The following CHD1 variants were observed in gnomAD, a reference collection of about 807,000 sequenced individuals.
The protein encoded by CHD1 is ATP-dependent chromatin remodeler CHD1.
A neutral mutation model predicts 224.2 loss-of-function variants in CHD1; 36 were observed. The ratio of observed to expected loss-of-function variants is 0.16; its 90% CI spans 0.12 to 0.21. CHD1 has a LOEUF of 0.21. Ranked by LOEUF, CHD1 falls within the 10% of genes least tolerant of loss-of-function variation. The pLI, the probability that CHD1 is intolerant of heterozygous loss-of-function variation, is 1.00. For missense variants in CHD1, 1,378 were observed against 1,994.8 expected, an observed-to-expected ratio of 0.69 and a Z score of 5.89; for synonymous variants, 668 against 658.3, an observed-to-expected ratio of 1.01 and a Z score of -0.23.
intron 2 of CHD1, among the ~76,000 whole-genome samples, chr5:98,912,402 G>C (rs773699297): frequency 6.6e-6 from 1 of 152,128 alleles, no homozygotes; most frequent in Non-Finnish European, 1.5e-5. Flanking sequence ...GGGCACGGTG[G>C]CTCACACCTA....
At chr5:98,878,251 G>C (rs1749908940) in intron 23 of CHD1, among the ~76,000 whole-genome samples, 1 of 152,250 alleles carries the variant, frequency 6.6e-6, no homozygotes, top group Non-Finnish European at 1.5e-5. Flanking sequence ...CTTGGAGAAA[G>C]TGAGCAGTCA....
chr5:98,860,216 T>C (rs1478207000), intron 32 of CHD1, 148 bp from the exon 33 acceptor site: 6 of 648,894 alleles, frequency 9.2e-6, no homozygotes, highest in South Asian at 3.0e-5. Flanking sequence ...AATTTTCCTA[T>C]GCATTTTTTC....
intron 8 of CHD1, 124 bp downstream of exon 8, chr5:98,899,356 C>T (rs1341348826): frequency 1.5e-6 from 1 of 651,090 alleles, no homozygotes; most frequent in African/African-American, 1.8e-5. Flanking sequence ...AGACAGCCAA[C>T]TGTATTATAA....
At chr5:98,884,067 CTT>C (rs983629067) in intron 18 of CHD1, among the ~76,000 whole-genome samples, 5 of 145,852 alleles carry the variant, frequency 3.4e-5, no homozygotes, top group Admixed American at 6.8e-5. Flanking sequence ...GTCTCTAACT[CTT>C]TGTTTTTTGT....
intron 18 of CHD1, among the ~76,000 whole-genome samples, chr5:98,884,742 A>G (rs913037766): frequency 1.3e-5 from 2 of 148,832 alleles, no homozygotes; most frequent in African/African-American, 4.9e-5. Context: ...TTTGAGACAG[A>G]GTCTCACTCT....
chr5:98,920,175 C>T lies in CHD1; in HGVS notation c.53+6159G>A, dbSNP rs74892290. The stretch of plus-strand genomic sequence containing the variant: ...CTCAAAGCACATACATAAATCCATA[C>T]ATATATAAACGATTTAGAAATTTCC... On this transcript the variant is annotated intron_variant, in intron 2 of 35. Transcript: ENST00000614616. Among the ~76,000 whole-genome samples, 89 of 152,150 alleles carry T rather than the reference C, an allele frequency of 5.8e-4. 2 individuals are homozygous for T. In the East Asian group the frequency reaches 0.016, roughly 28 times the overall value.
In CHD1 at chr5:98,881,121, T is replaced by C. The variant is rs775499938; in HGVS notation, c.3015A>G (p.Glu1005=). Residue 1005 remains glutamate (E), a synonymous_variant, in exon 22 of 36, where the codon GAA becomes GAG. Coordinates refer to ENST00000614616, the MANE Select transcript of CHD1 (RefSeq NM_001270.4). ...CATCTCCTACAGTTAAAGGACCTGG[T>C]TCATTTTCATGAGTTTCAGCTCTCT... is the stretch of plus-strand genomic sequence containing the variant. The part of the protein sequence containing the change: ...ILKRAETHEN[E]PGPLTVGDEL... The C allele has an allele frequency of 1.9e-6, 3 of 1,611,636 alleles. No homozygotes were observed. The highest frequency in any genetic ancestry group is 1.1e-5 in the South Asian group (1 of 90,578).
chr5:98,911,146 A>AAAATATATATATATATAT (rs1491111295), intron 2 of CHD1, among the ~76,000 whole-genome samples: 2 of 39,124 alleles, frequency 5.1e-5, no homozygotes, highest in African/African-American at 1.2e-4. Flanking sequence ...AAAAAAAAAA[A>AAAATATATATATATATAT]ATATATATAT....
At chr5:98,866,685 T>C (rs1229221766) in intron 31 of CHD1, among the ~76,000 whole-genome samples, 1 of 152,126 alleles carries the variant, frequency 6.6e-6, no homozygotes, top group East Asian at 1.9e-4. Context: ...AAAAAGGAAA[T>C]ATAGGAATAT....
At chr5:98,875,831 T>C (rs1749706553) in intron 24 of CHD1, among the ~76,000 whole-genome samples, 1 of 152,156 alleles carries the variant, frequency 6.6e-6, no homozygotes, top group Admixed American at 6.5e-5. Context: ...TCCAAAACTA[T>C]TACATAAACA....
intron 35 of CHD1, among the ~76,000 whole-genome samples, 156 bp downstream of exon 35, chr5:98,858,024 A>G (rs1006043777): frequency 5.3e-5 from 8 of 152,256 alleles, no homozygotes; most frequent in African/African-American, 1.9e-4. Context: ...TTCTTAAAAT[A>G]TATACATTTT....
chr5:98,887,638 A>T (rs1298604769), intron 17 of CHD1, among the ~76,000 whole-genome samples: 1 of 152,120 alleles, frequency 6.6e-6, no homozygotes, highest in African/African-American at 2.4e-5. Flanking sequence ...TTTCTTCTGT[A>T]AAGTTGTCTA....
At chr5:98,907,738 C>A (rs1431093083) in intron 2 of CHD1, among the ~76,000 whole-genome samples, 1 of 151,662 alleles carries the variant, frequency 6.6e-6, no homozygotes, top group Non-Finnish European at 1.5e-5. Context: ...TATATATTTG[C>A]TTGTATTTTT....
chr5:98,890,573 G>C (rs1750948050), intron 15 of CHD1, among the ~76,000 whole-genome samples: 1 of 152,106 alleles, frequency 6.6e-6, no homozygotes, highest in Admixed American at 6.5e-5. Flanking sequence ...CTAGCACTAA[G>C]AGAATTACAG....
intron 2 of CHD1, among the ~76,000 whole-genome samples, chr5:98,918,635 A>C (rs1320703299): frequency 6.6e-6 from 1 of 151,008 alleles, no homozygotes; most frequent in East Asian, 2.0e-4. Context: ...GGGCATGGTG[A>C]CGCGTGCCTG....
intron 2 of CHD1, among the ~76,000 whole-genome samples, chr5:98,920,778 C>A (rs952902997): frequency 7.0e-6 from 1 of 141,854 alleles, no homozygotes; most frequent in Admixed American, 7.5e-5. Flanking sequence ...GCCTGGGCAA[C>A]AGAGCAAGAC....
intron 35 of CHD1, among the ~76,000 whole-genome samples, chr5:98,857,119 A>T (rs1748092646): frequency 1.3e-5 from 2 of 152,150 alleles, no homozygotes; most frequent in Non-Finnish European, 1.5e-5. Context: ...AGCAGGAAAA[A>T]GTTTAAAAAT....
At chr5:98,890,251 G>C (rs775437624) in intron 15 of CHD1, among the ~76,000 whole-genome samples, 1 of 152,078 alleles carries the variant, frequency 6.6e-6, no homozygotes, top group Non-Finnish European at 1.5e-5. Context: ...TACAAGGTCA[G>C]TTTTTGAAGG....
chr5:98,925,258 T>C lies in CHD1; in HGVS notation c.53+1076A>G, dbSNP rs145082166. Among the ~76,000 whole-genome samples the C allele has an allele frequency of 9.8e-5, 15 of 152,324 alleles. No homozygotes were observed. In the East Asian group the frequency reaches 2.9e-3, roughly 29 times the overall value. On this transcript the variant is annotated intron_variant, in intron 2 of 35. Transcript: ENST00000614616. Reference sequence around the variant, plus strand: ...AGCATCTCAATCCTCAAATTTTTTTTAAATTTTATTTTTTATAAATTACAG... The same window carrying C: ...AGCATCTCAATCCTCAAATTTTTTTCAAATTTTATTTTTTATAAATTACAG...
Sources: allele counts gnomAD v4.1 joint callset (sites outside exome capture counted in the v4.1 genomes callset), GRCh38; gene constraint gnomAD v4.1.1; transcripts MANE v1.5; gene names NCBI Gene and HGNC (gene_info 2026-07-23, HGNC 2026-07-21).